The following PTPRS variants were observed in gnomAD, a reference collection of about 807,000 sequenced individuals.
The protein encoded by PTPRS is receptor-type tyrosine-protein phosphatase S.
PTPRS carries 63 observed loss-of-function variants against 215.3 expected under a neutral mutation model. The ratio of observed to expected loss-of-function variants is 0.29; its 90% CI spans 0.24 to 0.36. PTPRS has a LOEUF of 0.36. PTPRS is among the 10% of genes least tolerant of loss of function. PTPRS has a pLI of 1.00. For synonymous variants in PTPRS, 1,404 were observed against 1,191.4 expected (o/e 1.18, Z -3.68); for missense variants, 2,258 against 2,825.8 (o/e 0.80, Z 4.56).
In PTPRS at chr19:5,294,045, G is replaced by A. The variant is rs2049045933; in HGVS notation, c.-94-7811C>T. 6.6e-6 allele frequency among the ~76,000 whole-genome samples: 1 copy of A among 152,182 alleles called. No homozygotes were observed. Among genetic ancestry groups the A allele is most frequent in the Non-Finnish European group, 1.5e-5 (1 of 68,034 alleles). ...GGGCCCGGAATGTAGAAGCCCAGCG[G>A]GACCTGGGGGTCTGGGGACGGGACA... On this transcript the variant is annotated intron_variant, in intron 1 of 37. Coordinates refer to ENST00000262963, the MANE Select transcript of PTPRS (RefSeq NM_002850.4). This position sits in a 1 kb window ranked among gnomAD's most constrained non-coding sequence, Gnocchi z 5.1.
intron 9 of PTPRS, among the ~76,000 whole-genome samples, chr19:5,246,668 A>T (rs901744649): frequency 1.3e-5 from 2 of 152,218 alleles, no homozygotes; most frequent in African/African-American, 2.4e-5. Context: ...CAGGAGACAG[A>T]GGGAGCCTGA....
At chr19:5,331,126 TTTAAAAAAAAAAA>T (rs1337875042) in intron 1 of PTPRS, among the ~76,000 whole-genome samples, 2 of 42,560 alleles carry the variant, frequency 4.7e-5, no homozygotes, top group East Asian at 2.4e-4. Context: ...GGCTTCTTTT[TTTAAAAAAAAAAA>T]AAAAAAAAAA....
intron 26 of PTPRS, 139 bp from the exon 27 acceptor site, chr19:5,215,734 G>A: frequency 3.0e-6 from 2 of 660,804 alleles, no homozygotes; most frequent in Non-Finnish European, 2.6e-6. Context: ...GGGCTTGGCA[G>A]GAGGGGAAGA....
chr19:5,227,564 G>A (rs1351551424), intron 16 of PTPRS, among the ~76,000 whole-genome samples: 1 of 151,940 alleles, frequency 6.6e-6, no homozygotes, highest in Admixed American at 6.6e-5. Flanking sequence ...ACAGGCATGC[G>A]CCACCACGCC....
chr19:5,286,136 G>A lies in PTPRS; in HGVS notation c.5C>T (p.Ala2Val), dbSNP rs202019323. The stretch of plus-strand genomic sequence containing the variant: ...CACCATGCCAGGGCCCCAGGTGGGC[G>A]CCATGCTTGGCAGCGACCTCCGATC... MAPTWGPGMVSV... is the reference protein window; with the variant it reads MVPTWGPGMVSV... The change falls in exon 2 of 38, where the codon GCG becomes GTG. Residue 2 changes from alanine (A) to valine (V), a missense_variant. Physicochemically the swap from Ala to Val is moderately conservative, Grantham distance 64 (BLOSUM62 0). Around this residue, in one of 6 missense-constraint regions of PTPRS, gnomAD observed 508 missense variants for 799.4 expected, o/e 0.64. Transcript: ENST00000262963. The A allele has an allele frequency of 1.6e-5, 26 of 1,613,808 alleles. No homozygotes were observed. The Admixed American group carries it at 2.0e-4, about 12-fold the overall frequency.
At chr19:5,211,510 C>T in intron 33 of PTPRS, 80 bp downstream of exon 33, 1 of 1,431,654 alleles carries the variant, frequency 7.0e-7, no homozygotes, top group Non-Finnish European at 9.5e-7. Context: ...CCAGCTCTGT[C>T]TCCCACAAGA....
At chr19:5,273,830 T>C (rs952207139) in intron 3 of PTPRS, among the ~76,000 whole-genome samples, 3 of 152,062 alleles carry the variant, frequency 2.0e-5, no homozygotes, top group Non-Finnish European at 1.5e-5. Context: ...GGGTGACAAA[T>C]GTCTGCAAGC....
rs1446928503 is a variant in PTPRS at position 5,219,347 on chromosome 19, T to C, written c.3886A>G (p.Ile1296Val). ...VIGPVLAVVFIICIVIAILLY... is the reference protein window; with the variant it reads ...VIGPVLAVVFVICIVIAILLY... ...AGGATAGCAATGACAATGCAGATTA[T>C]GAAGACCACGGCCAGCACAGGCCCG... is the stretch of plus-strand genomic sequence containing the variant. Residue 1296 changes from isoleucine to valine, a missense_variant, in exon 23 of 38, where the codon ATA (isoleucine) becomes GTA (valine). Physicochemically the swap from Ile to Val is conservative, Grantham distance 29. Transcript: ENST00000262963. 6.2e-7 allele frequency: 1 copy of C among 1,614,096 alleles called. No homozygotes were observed. Among genetic ancestry groups the C allele is most frequent in the Admixed American group, 1.7e-5 (1 of 60,012 alleles).
chr19:5,333,503 TCA>T (rs35443727), intron 1 of PTPRS, among the ~76,000 whole-genome samples: 157 of 147,678 alleles, frequency 1.1e-3, no homozygotes, highest in African/African-American at 3.2e-3. Context: ...GTGAGTCCTG[TCA>T]CACACACACA....
intron 1 of PTPRS, among the ~76,000 whole-genome samples, chr19:5,305,939 C>CAAAAAAAAAAAAAAAAAAAA (rs35165317): frequency 4.4e-5 from 1 of 22,644 alleles, no homozygotes; most frequent in Non-Finnish European, 6.9e-5. Flanking sequence ...GACTCCGTCT[C>CAAAAAAAAAAAAAAAAAAAA]AAAAAAAAAA....
intron 2 of PTPRS, 114 bp from the exon 3 acceptor site, chr19:5,274,458 G>T: frequency 8.0e-7 from 1 of 1,243,122 alleles, no homozygotes; most frequent in Non-Finnish European, 1.1e-6. Flanking sequence ...GTGCCATGTG[G>T]CCAATGAAGA....
intron 10 of PTPRS, among the ~76,000 whole-genome samples, chr19:5,245,360 C>T (rs955701405): frequency 6.6e-6 from 1 of 151,912 alleles, no homozygotes; most frequent in African/African-American, 2.4e-5. Flanking sequence ...GCGATCATAG[C>T]TCACTGCAGC....
chr19:5,258,215 C>T, intron 7 of PTPRS, 88 bp from the exon 8 acceptor site: 1 of 1,106,820 alleles, frequency 9.0e-7, no homozygotes, highest in Admixed American at 1.8e-5. Context: ...GCTCTCTGGC[C>T]TGTCTCCTGT....
intron 26 of PTPRS, among the ~76,000 whole-genome samples, chr19:5,216,423 C>T (rs996669720): frequency 1.3e-5 from 2 of 152,170 alleles, no homozygotes; most frequent in African/African-American, 2.4e-5. Context: ...GGGTGCCCCC[C>T]AAGAGCTCAC....
intron 9 of PTPRS, among the ~76,000 whole-genome samples, chr19:5,246,925 C>T (rs2044547105): frequency 6.6e-6 from 1 of 151,272 alleles, no homozygotes; most frequent in South Asian, 2.1e-4. Context: ...GAGCGAGAGA[C>T]AGAGAGAGAA....
intron 4 of PTPRS, 74 bp from the exon 5 acceptor site, chr19:5,265,270 G>T (rs2146385769): frequency 2.1e-6 from 3 of 1,425,854 alleles, no homozygotes; most frequent in Non-Finnish European, 1.9e-6. Context: ...TGGGGCTCAG[G>T]GACTGCCTGG....
intron 16 of PTPRS, among the ~76,000 whole-genome samples, chr19:5,228,644 A>C (rs917702004): frequency 3.3e-4 from 50 of 152,160 alleles, no homozygotes; most frequent in Non-Finnish European, 2.9e-4. Context: ...ACGCCCAGCC[A>C]AGGGACCAGT....
intron 1 of PTPRS, among the ~76,000 whole-genome samples, chr19:5,334,734 C>T (rs2050438050): frequency 6.6e-6 from 1 of 152,186 alleles, no homozygotes; most frequent in Admixed American, 6.5e-5. Flanking sequence ...CGTTAGGAAT[C>T]CAGGTTGTGG....
chr19:5,298,752 C>T (rs1036539058), intron 1 of PTPRS, among the ~76,000 whole-genome samples: 1 of 152,248 alleles, frequency 6.6e-6, no homozygotes, highest in Admixed American at 6.5e-5. Flanking sequence ...TGTCCGCCCC[C>T]GCAGGCCAGG....
Sources: gnomAD v4.1 joint callset for allele counts (sites outside exome capture counted in the v4.1 genomes callset) on GRCh38, gnomAD v4.1.1 for gene constraint, gnomAD v4.1.1 regional missense constraint, Gnocchi (gnomAD v3.1) non-coding constraint, MANE v1.5 for transcripts, NCBI Gene and HGNC (gene_info 2026-07-23, HGNC 2026-07-21) for gene names.